The following NUMA1 variants were observed in gnomAD, a reference collection of about 807,000 sequenced individuals.
NUMA1 encodes nuclear mitotic apparatus protein 1.
In NUMA1, 62 loss-of-function variants were observed where a neutral mutation model predicts 237.1. The observed-to-expected ratio is 0.26, with a 90% confidence interval of 0.21 to 0.32. NUMA1 has a LOEUF of 0.32. Ranked by LOEUF, NUMA1 falls within the 10% of genes least tolerant of loss-of-function variation. The probability of loss-of-function intolerance (pLI) is 1.00; values close to 1 mark genes in which losing one functional copy is unlikely to be tolerated. For synonymous variants in NUMA1, 1,028 were observed against 1,066.1 expected, an observed-to-expected ratio of 0.96 and a Z score of 0.70; for missense variants, 2,533 against 2,666.5, an observed-to-expected ratio of 0.95 and a Z score of 1.10.
At chr11:72,012,482 A>G in intron 15 of NUMA1, 40 bp from the exon 16 acceptor site, 3 of 1,588,632 alleles carry the variant, frequency 1.9e-6, no homozygotes, top group Non-Finnish European at 2.6e-6. Flanking sequence ...GAGTGAGATG[A>G]GGCCAAAGAA....
intron 1 of NUMA1, among the ~76,000 whole-genome samples, chr11:72,074,352 C>CA (rs915103524): frequency 4.6e-5 from 7 of 151,322 alleles, no homozygotes; most frequent in Admixed American, 4.6e-4. Context: ...GGCTCCATCT[C>CA]AAAAAAAATA....
Position 72,015,573 on chromosome 11 carries a change from C to T in NUMA1, c.1930G>A (p.Glu644Lys), listed in dbSNP as rs1956473403. The T allele has an allele frequency of 1.2e-6, 2 of 1,613,676 alleles. No individual in the cohort carries two copies. Among genetic ancestry groups the T allele is most frequent in the Non-Finnish European group, 8.5e-7 (1 of 1,180,040 alleles). ...AQTSVTQAQR[E>K]KAELSRKVEE... The stretch of plus-strand genomic sequence containing the variant: ...ACCTTCCGGCTCAGCTCTGCCTTCT[C>T]CCGCTGGGCCTGTGTCACTGAGGTC... Residue 644 changes from glutamate (E) to lysine (K), a missense_variant, in exon 15 of 27, where the codon GAG becomes AAG. This residue lies in a region of NUMA1 where 1,414 missense variants were observed against 1,508.1 expected (regional missense o/e 0.94). Coordinates refer to ENST00000393695, the MANE Select transcript of NUMA1 (RefSeq NM_006185.4). The surrounding 1 kb of genome is among the most constrained non-coding windows in gnomAD (Gnocchi z 4.0).
At chr11:72,031,730 C>T (rs1267455974) in intron 3 of NUMA1, among the ~76,000 whole-genome samples, 7 of 152,052 alleles carry the variant, frequency 4.6e-5, no homozygotes, top group Non-Finnish European at 7.4e-5. Context: ...GGGAAGATCG[C>T]TTGAGCCTGG....
At position 72,016,001 on chromosome 11, in the gene NUMA1, G is replaced by A; in HGVS notation, c.1502C>T (p.Ala501Val). Reference sequence around the variant, plus strand: ...TGTGGTGAGCTCAGAGGTCAGAGAGGCCACCTGGGCAGTCAACCGGGCCCC... The same window carrying A: ...TGTGGTGAGCTCAGAGGTCAGAGAGACCACCTGGGCAGTCAACCGGGCCCC... ...AHGARLTAQVASLTSELTTLN... is the reference protein window; with the variant it reads ...AHGARLTAQVVSLTSELTTLN... The change falls in exon 15 of 27, where the codon GCC (alanine) becomes GTC (valine). Residue 501 changes from alanine (A) to valine (V), a missense_variant. By Grantham distance (64) the Ala-to-Val change is moderately conservative. Transcript: ENST00000393695. 1 of 1,614,026 alleles carries A rather than the reference G, an allele frequency of 6.2e-7. No homozygotes were observed. The highest frequency in any genetic ancestry group is 8.5e-7 in the Non-Finnish European group (1 of 1,180,018).
At chr11:72,050,321 G>A (rs889506514) in intron 2 of NUMA1, among the ~76,000 whole-genome samples, 1 of 152,190 alleles carries the variant, frequency 6.6e-6, no homozygotes, top group East Asian at 1.9e-4. Context: ...CGTCTTTCTG[G>A]TTCCAGGTCC....
chr11:72,004,491 A>T, intron 24 of NUMA1, 149 bp downstream of exon 24: 1 of 1,210,470 alleles, frequency 8.3e-7, no homozygotes. Flanking sequence ...TCCCTTCCCA[A>T]CAGTTCCCAT....
rs530156150 is a variant in NUMA1, at chr11:72,006,853, GCAA to G, written c.5463+333_5463+335del. On this transcript the variant is annotated intron_variant, in intron 21 of 26. Coordinates refer to ENST00000393695, the MANE Select transcript of NUMA1 (RefSeq NM_006185.4). Reference sequence around the variant, plus strand: ...AGCCTGTCAGGCAGTCCACTGGGCAGCAACAATGCCTCTCAGCTGCATGGGGCA... The same window carrying G: ...AGCCTGTCAGGCAGTCCACTGGGCAGCAATGCCTCTCAGCTGCATGGGGCA... Among the ~76,000 whole-genome samples the G allele has an allele frequency of 1.3e-4, 20 of 152,376 alleles. No homozygotes were observed. In the South Asian group the frequency reaches 3.5e-3, roughly 27 times the overall value.
Position 72,009,338 on chromosome 11 carries a change from T to C in NUMA1, c.4769A>G (p.Gln1590Arg), listed in dbSNP as rs904188296. Residue 1590 changes from glutamine (Q) to arginine (R), a missense_variant, in exon 18 of 27, where the codon CAG becomes CGG. This residue lies in a region of NUMA1 where 795 missense variants were observed against 750.8 expected (regional missense o/e 1.06). Coordinates refer to ENST00000393695, the MANE Select transcript of NUMA1 (RefSeq NM_006185.4). ...GGCTTGCAGTTCATTCAGCTGGGCC[T>C]GGAGGCGCTGGGCCTCCTGCTGGCT... is the stretch of plus-strand genomic sequence containing the variant. ...GESQQEAQRL[Q>R]AQLNELQAQL... is the part of the protein sequence containing the mutation. 1.9e-6 allele frequency: 3 copies of C among 1,612,962 alleles called. No homozygotes were observed. The highest frequency in any genetic ancestry group is 3.3e-5 in the Admixed American group (2 of 59,986).
chr11:72,052,350 A>G (rs1442623184), intron 2 of NUMA1, among the ~76,000 whole-genome samples: 2 of 152,242 alleles, frequency 1.3e-5, no homozygotes, highest in Middle Eastern at 3.2e-3. Context: ...GAGCAGGATA[A>G]GTAGAGTTTC....
intron 2 of NUMA1, chr11:72,066,748 G>A (rs2136229997): frequency 6.6e-6 from 1 of 152,310 alleles, no homozygotes; most frequent in South Asian, 2.1e-4. Context: ...TCCTCCCTGG[G>A]TGGATGCTAG....
At chr11:72,006,984 G>GA (rs1955765196) in intron 21 of NUMA1, among the ~76,000 whole-genome samples, 2 of 152,330 alleles carry the variant, frequency 1.3e-5, no homozygotes, top group African/African-American at 4.8e-5. Flanking sequence ...TTAGTCAGGA[G>GA]GCAGGGATCT....
chr11:72,029,091 T>C, intron 4 of NUMA1, 114 bp downstream of exon 4: 1 of 719,832 alleles, frequency 1.4e-6, no homozygotes, highest in Non-Finnish European at 2.3e-6. Context: ...GATGTCCCAA[T>C]CCTTCCCCTG....
intron 2 of NUMA1, among the ~76,000 whole-genome samples, chr11:72,059,011 T>C (rs1232865394): frequency 6.6e-6 from 1 of 152,112 alleles, no homozygotes; most frequent in Non-Finnish European, 1.5e-5. Flanking sequence ...TAGAGTAAAA[T>C]GTAAAACTCC....
intron 20 of NUMA1, chr11:72,008,165 TGTAA>T (rs1189880663): frequency 3.8e-5 from 18 of 475,360 alleles, no homozygotes; most frequent in Middle Eastern, 6.2e-4. Flanking sequence ...AATAAGTAAA[TGTAA>T]GTGTTTAATA....
chr11:72,030,270 A>C (rs1022857947), intron 3 of NUMA1, among the ~76,000 whole-genome samples: 1 of 148,644 alleles, frequency 6.7e-6, no homozygotes, highest in Non-Finnish European at 1.5e-5. Flanking sequence ...AGGGAGGTCG[A>C]GGCTGCAGTG....
intron 2 of NUMA1, chr11:72,062,651 T>G (rs1248051299): frequency 6.7e-6 from 1 of 150,148 alleles, no homozygotes; most frequent in East Asian, 2.0e-4. Flanking sequence ...GAGGTGGAGG[T>G]TGCAGTGAGC....
intron 2 of NUMA1, among the ~76,000 whole-genome samples, chr11:72,052,768 C>T (rs1942439743): frequency 6.6e-6 from 1 of 150,722 alleles, no homozygotes; most frequent in Non-Finnish European, 1.5e-5. Flanking sequence ...AAGACTCCAT[C>T]TCAAAAAAAA....
chr11:72,063,550 T>C (rs1943054575), intron 2 of NUMA1, among the ~76,000 whole-genome samples: 1 of 142,122 alleles, frequency 7.0e-6, no homozygotes, highest in Non-Finnish European at 1.5e-5. Context: ...ATGATGGGTG[T>C]GAGCCACTGC....
chr11:72,007,022 A>C (rs549333784), intron 21 of NUMA1, among the ~76,000 whole-genome samples, 167 bp downstream of exon 21: 4 of 152,310 alleles, frequency 2.6e-5, no homozygotes, highest in African/African-American at 9.6e-5. Context: ...TTTCTTCAGA[A>C]GTGCCCTTAA....
Sources: allele counts gnomAD v4.1 joint callset (sites outside exome capture counted in the v4.1 genomes callset), GRCh38; gene constraint gnomAD v4.1.1; regional missense constraint gnomAD v4.1.1; non-coding constraint Gnocchi (gnomAD v3.1); transcripts MANE v1.5; gene names NCBI Gene and HGNC (gene_info 2026-07-23, HGNC 2026-07-21).